SOX5: variants seen among roughly 807,000 people sequenced by gnomAD.
SOX5 encodes SRY-box transcription factor 5.
Under a neutral mutation model 92.0 loss-of-function variants are expected in SOX5, and 9 were observed. The ratio of observed to expected loss-of-function variants is 0.10; its 90% CI spans 0.06 to 0.17. The LOEUF (loss-of-function observed/expected upper bound fraction) is 0.17. Among genes scored for constraint, SOX5 ranks in the 10% least tolerant of loss-of-function variants. SOX5 has a pLI of 1.00. For missense variants in SOX5, 642 were observed against 944.5 expected, an observed-to-expected ratio of 0.68 and a Z score of 4.20; for synonymous variants, 344 against 336.3, an observed-to-expected ratio of 1.02 and a Z score of -0.25.
chr12:24,291,715 T>C (rs569254616), intron 2 of SOX5, among the ~76,000 whole-genome samples: 1 of 152,340 alleles, frequency 6.6e-6, no homozygotes, highest in South Asian at 2.1e-4. Context: ...GGTTTGATAG[T>C]TAATACTTGG....
intron 3 of SOX5, among the ~76,000 whole-genome samples, chr12:23,789,274 C>A (rs1490949955): frequency 6.6e-6 from 1 of 151,766 alleles, no homozygotes; most frequent in Non-Finnish European, 1.5e-5. Flanking sequence ...TTTTCAAAGG[C>A]CATCTTGCCG....
chr12:23,945,366 A>T (rs1383730847), intron 1 of SOX5, among the ~76,000 whole-genome samples: 8 of 152,166 alleles, frequency 5.3e-5, no homozygotes, highest in Admixed American at 2.0e-4. Context: ...ATGTGAAGTA[A>T]TCATAATATT....
intron 2 of SOX5, among the ~76,000 whole-genome samples, chr12:23,860,801 G>C (rs1213574410): frequency 6.6e-6 from 1 of 152,066 alleles, no homozygotes; most frequent in Non-Finnish European, 1.5e-5. Context: ...ACAGGGAGAA[G>C]AGCAAATGGC....
At chr12:23,616,686 C>G (rs2076594058) in intron 8 of SOX5, among the ~76,000 whole-genome samples, 1 of 152,184 alleles carries the variant, frequency 6.6e-6, no homozygotes, top group African/African-American at 2.4e-5. Flanking sequence ...GGAGAGCTAA[C>G]AGCTGTTATG....
At chr12:24,238,583 C>T (rs981269466) in intron 3 of SOX5, among the ~76,000 whole-genome samples, 4 of 152,260 alleles carry the variant, frequency 2.6e-5, no homozygotes, top group African/African-American at 9.6e-5. Context: ...TCTTAAACTC[C>T]TGAGCTCAAG....
chr12:24,397,596 C>T (rs1193332450), intron 1 of SOX5, among the ~76,000 whole-genome samples: 7 of 151,538 alleles, frequency 4.6e-5, no homozygotes, highest in African/African-American at 1.2e-4. Context: ...TGTAGAGGGG[C>T]CAAAGTTTAT....
chr12:24,335,082 A>T (rs1951742342), intron 2 of SOX5, among the ~76,000 whole-genome samples: 1 of 152,160 alleles, frequency 6.6e-6, no homozygotes, highest in Admixed American at 6.5e-5. Flanking sequence ...ACAATAAAAG[A>T]ATTATTAAAT....
chr12:23,656,774 A>G (rs2139196187), intron 7 of SOX5, among the ~76,000 whole-genome samples: 1 of 151,878 alleles, frequency 6.6e-6, no homozygotes, highest in East Asian at 1.9e-4. Context: ...TTTTATATAA[A>G]TATATATAAT....
chr12:24,561,733 G>T (rs2291436), intron 1 of SOX5, among the ~76,000 whole-genome samples: 2 of 150,216 alleles, frequency 1.3e-5, no homozygotes, highest in Admixed American at 1.3e-4. Flanking sequence ...GGGAGGGAGG[G>T]GGAGTGGTAG....
chr12:24,459,957 T>G (rs992314054), intron 1 of SOX5, among the ~76,000 whole-genome samples: 2 of 152,170 alleles, frequency 1.3e-5, no homozygotes, highest in African/African-American at 2.4e-5. Flanking sequence ...ATGTATAGAG[T>G]GAATCTGATG....
chr12:23,543,481 G>T, intron 12 of SOX5, 97 bp from the exon 13 acceptor site: 3 of 878,394 alleles, frequency 3.4e-6, no homozygotes, highest in Non-Finnish European at 5.3e-6. Flanking sequence ...TATCTGAAAA[G>T]AAAAAGTACT....
At chr12:24,083,375 C>A (rs1943595342) in intron 4 of SOX5, among the ~76,000 whole-genome samples, 1 of 152,038 alleles carries the variant, frequency 6.6e-6, no homozygotes, top group South Asian at 2.1e-4. Flanking sequence ...CTTTCTGCAA[C>A]ATTTATTCTA....
rs186828550 is a variant in SOX5, at chr12:24,197,945, C to A, written c.-2+15398G>T. Reference sequence around the variant, plus strand: ...TTGTATGCTCTTAGACACACACTCTCTTTCTCTGCATGAACTTGCTCATCT... The same window carrying A: ...TTGTATGCTCTTAGACACACACTCTATTTCTCTGCATGAACTTGCTCATCT... On this transcript the variant is annotated intron_variant, in intron 4 of 4. Coordinates refer to the SOX5 transcript ENST00000446891. Among the ~76,000 whole-genome samples, 15 of 152,212 alleles carry A rather than the reference C, an allele frequency of 9.9e-5. 1 individual carries two copies. Among genetic ancestry groups the A allele is most frequent in the African/African-American group, 3.4e-4 (14 of 41,474 alleles).
In SOX5 at chr12:24,307,516, A is replaced by C. The variant is rs369429641; in HGVS notation, c.-173-30204T>G. ...AAGGAAGGAAGGAAGGAAGGAAGGA[A>C]GGCCGGCCCCCCCACCCACCCACTC... On this transcript the variant is annotated intron_variant, in intron 2 of 4. Transcript: ENST00000446891. Among the ~76,000 whole-genome samples the C allele has an allele frequency of 1.8e-4, 3 of 16,330 alleles. 1 individual carries two copies. Among genetic ancestry groups the C allele is most frequent in the African/African-American group, 3.5e-4 (3 of 8,640 alleles). The allele number at this position is 16,330 out of a possible 152,430, so 10.7% of individuals were successfully genotyped here.
chr12:23,588,910 C>T (rs926230987), intron 9 of SOX5, among the ~76,000 whole-genome samples: 2 of 151,890 alleles, frequency 1.3e-5, no homozygotes, highest in Non-Finnish European at 1.5e-5. Context: ...TTTTGTTACA[C>T]CTGCCTACAC....
chr12:23,649,385 C>A (rs1019990716), intron 7 of SOX5, among the ~76,000 whole-genome samples: 2 of 151,968 alleles, frequency 1.3e-5, no homozygotes, highest in Non-Finnish European at 2.9e-5. Context: ...TTGTAAATAC[C>A]TCATGAGATT....
At chr12:24,264,619 G>T (rs1357250) in intron 3 of SOX5, among the ~76,000 whole-genome samples, 7 of 151,972 alleles carry the variant, frequency 4.6e-5, no homozygotes, top group Non-Finnish European at 1.0e-4. Context: ...CCTTTCGTTA[G>T]AATAATCACG....
At chr12:24,190,178 C>T (rs1457426072) in intron 4 of SOX5, among the ~76,000 whole-genome samples, 3 of 152,116 alleles carry the variant, frequency 2.0e-5, no homozygotes, top group African/African-American at 7.2e-5. Context: ...CTGAGTTTCA[C>T]AATAGCAAGA....
chr12:24,301,931 T>A (rs1340494163), intron 2 of SOX5, among the ~76,000 whole-genome samples: 1 of 152,112 alleles, frequency 6.6e-6, no homozygotes, highest in Non-Finnish European at 1.5e-5. Context: ...CAAGAAGTAA[T>A]AGTATTTTTT....
Sources: allele counts gnomAD v4.1 joint callset (sites outside exome capture counted in the v4.1 genomes callset), GRCh38; gene constraint gnomAD v4.1.1; transcripts MANE v1.5; gene names NCBI Gene and HGNC (gene_info 2026-07-23, HGNC 2026-07-21).